The following DPP6 variants were observed in gnomAD, a reference collection of about 807,000 sequenced individuals.
DPP6 encodes dipeptidyl peptidase like 6, also known as A-type potassium channel modulatory protein DPP6.
In DPP6, 69 loss-of-function variants were observed where a neutral mutation model predicts 122.6. The ratio of observed to expected loss-of-function variants is 0.56; its 90% CI spans 0.46 to 0.69. The LOEUF (loss-of-function observed/expected upper bound fraction) is 0.69, where lower values mean the gene tolerates loss of function less well. Among genes scored for constraint, DPP6 ranks in the 30% least tolerant of loss-of-function variants. DPP6 has a pLI of 0.00. For missense variants in DPP6, 928 were observed against 1,116.9 expected (o/e 0.83, Z 2.41); for synonymous variants, 418 against 433.1 (o/e 0.97, Z 0.43).
chr7:154,475,211 T>C lies in DPP6; in HGVS notation c.457+174T>C, dbSNP rs533591689. 2.7e-3 allele frequency: 1,737 copies of C among 636,792 alleles called. 8 individuals are homozygous for C. The highest frequency in any genetic ancestry group is 3.3e-3 in the Non-Finnish European group (1,125 of 345,936). 39.4% of individuals were successfully genotyped at this position (636,792 alleles called of 1,614,324 possible). A position where few individuals can be genotyped will look rare whatever the true frequency, so the allele number is the denominator to read the frequency against. ...TTATCATTCTATGAAAATGTGTATC[T>C]GGTAAAATCAGGCTTTTGTAATGGT... On this transcript the variant is annotated intron_variant, in intron 3 of 25. Transcript: ENST00000377770.
intron 1 of DPP6, among the ~76,000 whole-genome samples, chr7:154,208,805 T>C (rs1161936907): frequency 1.3e-5 from 2 of 152,168 alleles, no homozygotes; most frequent in African/African-American, 4.8e-5. Context: ...AGTCTGGATC[T>C]CTGTCTCATC....
At chr7:153,959,594 T>C (rs71545657) in intron 1 of DPP6, among the ~76,000 whole-genome samples, 4,489 of 152,338 alleles carry the variant, frequency 0.029, 92 homozygotes, top group Non-Finnish European at 0.041. Context: ...CTTTGCTAGC[T>C]TCCAGCTTTT....
chr7:154,044,300 T>A (rs1799911489), intron 1 of DPP6, among the ~76,000 whole-genome samples: 1 of 152,236 alleles, frequency 6.6e-6, no homozygotes, highest in South Asian at 2.1e-4. Context: ...ATGGGTATAG[T>A]GGTGCTGATA....
At chr7:154,752,753 T>C (rs1409410128) in intron 8 of DPP6, among the ~76,000 whole-genome samples, 5 of 152,278 alleles carry the variant, frequency 3.3e-5, no homozygotes, top group Non-Finnish European at 7.4e-5. Flanking sequence ...TGTTCTAGGA[T>C]GTGGATGGCA....
At chr7:154,012,235 C>T (rs1312921185) in intron 1 of DPP6, among the ~76,000 whole-genome samples, 1 of 152,044 alleles carries the variant, frequency 6.6e-6, no homozygotes, top group East Asian at 1.9e-4. Context: ...AAGCAGAAAC[C>T]TTTCTTTAAA....
chr7:154,673,949 C>T (rs1045975375), intron 7 of DPP6, among the ~76,000 whole-genome samples: 1 of 151,666 alleles, frequency 6.6e-6, no homozygotes, highest in Non-Finnish European at 1.5e-5. Flanking sequence ...GATCTCTGCT[C>T]ACTCCAACCT....
chr7:154,253,155 T>C (rs1197222351), intron 1 of DPP6, among the ~76,000 whole-genome samples: 1 of 152,182 alleles, frequency 6.6e-6, no homozygotes, highest in Non-Finnish European at 1.5e-5. Flanking sequence ...AACCATTCTC[T>C]GCCAAGAAAA....
chr7:154,585,328 C>G (rs536368075), intron 5 of DPP6, among the ~76,000 whole-genome samples: 2 of 152,372 alleles, frequency 1.3e-5, no homozygotes, highest in South Asian at 4.1e-4. Flanking sequence ...GATGTGCTTA[C>G]TGAGTTCTTA....
At chr7:154,011,334 T>C (rs1585172678) in intron 1 of DPP6, among the ~76,000 whole-genome samples, 1 of 152,324 alleles carries the variant, frequency 6.6e-6, no homozygotes, top group Non-Finnish European at 1.5e-5. Context: ...ATCTGTCCTT[T>C]CAGCTGGCGT....
At chr7:153,925,941 G>A (rs543394461) in intron 1 of DPP6, among the ~76,000 whole-genome samples, 8 of 152,294 alleles carry the variant, frequency 5.3e-5, no homozygotes, top group Non-Finnish European at 2.9e-5. Flanking sequence ...AGGAGGGTGA[G>A]GGTGATGGCA....
chr7:154,636,451 G>T (rs917209494), intron 5 of DPP6, among the ~76,000 whole-genome samples: 3 of 152,194 alleles, frequency 2.0e-5, no homozygotes, highest in Admixed American at 2.0e-4. Flanking sequence ...TTAAGTTCCT[G>T]TGTTCCTTAT....
chr7:154,758,528 C>CCAT (rs1795303620), intron 8 of DPP6, among the ~76,000 whole-genome samples: 1 of 151,938 alleles, frequency 6.6e-6, no homozygotes, highest in Admixed American at 6.6e-5. Flanking sequence ...TGCACCGCCA[C>CCAT]GTCCAGCTAA....
At chr7:153,841,399 G>A in the DPP6 span, among the ~76,000 whole-genome samples, 2 of 152,248 alleles carry the variant, frequency 1.3e-5, no homozygotes, top group African/African-American at 2.4e-5. Context: ...CCAAGATTTC[G>A]TCTTGTTGAC....
At chr7:154,745,318 C>T (rs1842988279) in intron 8 of DPP6, among the ~76,000 whole-genome samples, 1 of 152,208 alleles carries the variant, frequency 6.6e-6, no homozygotes, top group Admixed American at 6.5e-5. Flanking sequence ...CAGTTGTCAA[C>T]ATCTCTGAGC....
At chr7:154,806,276 G>A (rs1051611714) in intron 15 of DPP6, among the ~76,000 whole-genome samples, 6 of 152,194 alleles carry the variant, frequency 3.9e-5, no homozygotes, top group Non-Finnish European at 5.9e-5. Context: ...GGTTAGAGGG[G>A]ACCCTCCTGC....
At chr7:154,385,487 T>C (rs1371696749) in intron 1 of DPP6, among the ~76,000 whole-genome samples, 1 of 152,194 alleles carries the variant, frequency 6.6e-6, no homozygotes, top group East Asian at 1.9e-4. Flanking sequence ...CTAAAGTCCC[T>C]CATCTGTCAA....
At position 154,105,744 on chromosome 7, in the gene DPP6, C is replaced by T. The variant is rs189428885; in HGVS notation, c.243+52681C>T. On this transcript the variant is annotated intron_variant, in intron 1 of 25. Coordinates refer to ENST00000377770, the MANE Select transcript of DPP6 (RefSeq NM_130797.4). ...TGCACTTGCTGTCTTTGTCTGCTGC[C>T]GTGGAAGACGTGCCTTTACTTCTCC... 8.2e-4 allele frequency among the ~76,000 whole-genome samples: 125 copies of T among 152,240 alleles called. 1 individual carries two copies. The highest frequency in any genetic ancestry group is 2.3e-3 in the African/African-American group (96 of 41,532).
the DPP6 span, among the ~76,000 whole-genome samples, chr7:153,873,456 T>C: frequency 6.6e-6 from 1 of 152,162 alleles, no homozygotes; most frequent in South Asian, 2.1e-4. Context: ...AAATAGACAA[T>C]AATTCTACCC....
At chr7:154,324,748 C>T (rs1359348417) in intron 1 of DPP6, among the ~76,000 whole-genome samples, 2 of 152,210 alleles carry the variant, frequency 1.3e-5, no homozygotes, top group African/African-American at 2.4e-5. Flanking sequence ...CCTGCAGCCT[C>T]AGGCATCCCT....
Sources: gnomAD v4.1 joint callset for allele counts (sites outside exome capture counted in the v4.1 genomes callset) on GRCh38, gnomAD v4.1.1 for gene constraint, MANE v1.5 for transcripts, NCBI Gene and HGNC (gene_info 2026-07-23, HGNC 2026-07-21) for gene names.